Variants in RAB10 observed in about 807,000 individuals in gnomAD.
The protein encoded by RAB10 is RAB10, member RAS oncogene family.
RAB10 carries 5 observed loss-of-function variants against 25.7 expected under a neutral mutation model. That is an observed-to-expected ratio of 0.19 (90% CI 0.10 to 0.41). RAB10 has a LOEUF of 0.41. Among genes scored for constraint, RAB10 ranks in the 10% least tolerant of loss-of-function variants. The pLI is 1.00. For missense variants in RAB10, 103 were observed against 245.8 expected (o/e 0.42, Z 3.89); for synonymous variants, 89 against 86.4 (o/e 1.03, Z -0.16).
In RAB10 at chr2:26,098,510, A is replaced by T. The variant is rs1667276626; in HGVS notation, c.128-152A>T. ...TTGTATTACTCAGGTTTAAAATTGG[A>T]TACATTTGCTCAGTGTTGCATACTT... On this transcript the variant is annotated intron_variant, in intron 1 of 5. Coordinates refer to ENST00000264710, the MANE Select transcript of RAB10 (RefSeq NM_016131.5). The T allele has an allele frequency of 6.5e-6, 4 of 612,930 alleles. No homozygotes were observed. In the South Asian group the frequency reaches 7.5e-5, roughly 11 times the overall value. 38.0% of individuals were successfully genotyped at this position (612,930 alleles called of 1,614,324 possible).
chr2:26,122,136 A>G (rs1214868642), intron 3 of RAB10, among the ~76,000 whole-genome samples: 2 of 152,240 alleles, frequency 1.3e-5, no homozygotes, highest in African/African-American at 4.8e-5. Context: ...GTACTGTAGA[A>G]TGAGGTCTGC....
intron 3 of RAB10, among the ~76,000 whole-genome samples, chr2:26,114,008 A>G (rs1667632885): frequency 6.6e-6 from 1 of 152,208 alleles, no homozygotes; most frequent in South Asian, 2.1e-4. Flanking sequence ...AAAGGCAAAA[A>G]ATACTTAGGA....
upstream of RAB10, among the ~76,000 whole-genome samples, chr2:26,033,767 G>A (rs991491050): frequency 6.6e-6 from 1 of 152,086 alleles, no homozygotes; most frequent in Non-Finnish European, 1.5e-5. Flanking sequence ...AGGGTGTCCC[G>A]GGGAGCGGGG....
chr2:26,096,430 C>A (rs112314658), intron 1 of RAB10, among the ~76,000 whole-genome samples: 8,866 of 150,376 alleles, frequency 0.059, 844 homozygotes, highest in African/African-American at 0.2. Context: ...GGCTGGCTGG[C>A]TGGATGGATG....
chr2:26,118,614 C>A (rs1488257060), intron 3 of RAB10, among the ~76,000 whole-genome samples: 1 of 152,124 alleles, frequency 6.6e-6, no homozygotes, highest in African/African-American at 2.4e-5. Context: ...AGACAGTGAT[C>A]TCTAAATCTG....
rs181650378 is a variant in RAB10, at chr2:26,055,062, C to T, written c.127+20327C>T. ...ACAAACTAGAAAATTAAGTTATAAT[C>T]CCCTGTGTTTGCCATTTATTGAAAA... On this transcript the variant is annotated intron_variant, in intron 1 of 5. Transcript: ENST00000264710. Among the ~76,000 whole-genome samples, 184 of 151,340 alleles carry T rather than the reference C, an allele frequency of 1.2e-3. 1 individual carries two copies. Among genetic ancestry groups the T allele is most frequent in the African/African-American group, 4.3e-3 (177 of 41,174 alleles).
intron 1 of RAB10, among the ~76,000 whole-genome samples, chr2:26,043,267 C>A (rs1349904806): frequency 6.6e-6 from 1 of 152,038 alleles, no homozygotes; most frequent in Non-Finnish European, 1.5e-5. Flanking sequence ...AAGAAACCCC[C>A]CAAAATTAGC....
chr2:26,135,088 C>T lies in RAB10; in HGVS notation c.*67C>T. On this transcript the variant is annotated 3_prime_UTR_variant, in exon 6 of 6. Coordinates refer to ENST00000264710, the MANE Select transcript of RAB10 (RefSeq NM_016131.5). Reference sequence around the variant, plus strand: ...TCTCTTCTTGCTGCAAAATAAACCACTCTGTCCATTTTTAACTCTAAACAG... The same window carrying T: ...TCTCTTCTTGCTGCAAAATAAACCATTCTGTCCATTTTTAACTCTAAACAG... The T allele has an allele frequency of 7.7e-7, 1 of 1,301,230 alleles. No individual in the cohort carries two copies. The highest frequency in any genetic ancestry group is 1.1e-6 in the Non-Finnish European group (1 of 922,548). 80.6% of individuals were successfully genotyped at this position (1,301,230 alleles called of 1,614,324 possible). A position where few individuals can be genotyped will look rare whatever the true frequency, so the allele number is the denominator to read the frequency against.
intron 1 of RAB10, among the ~76,000 whole-genome samples, chr2:26,086,538 A>G (rs1666991780): frequency 1.3e-5 from 2 of 152,228 alleles, no homozygotes; most frequent in Admixed American, 1.3e-4. Context: ...CACCATGGCA[A>G]TTCCTTAAAA....
At chr2:26,084,953 G>A (rs1216780963) in intron 1 of RAB10, among the ~76,000 whole-genome samples, 1 of 152,076 alleles carries the variant, frequency 6.6e-6, no homozygotes, top group Non-Finnish European at 1.5e-5. Flanking sequence ...TGTGTATATT[G>A]CATTGTACTA....
intron 1 of RAB10, among the ~76,000 whole-genome samples, chr2:26,044,895 T>G (rs1227784124): frequency 6.6e-6 from 1 of 152,068 alleles, no homozygotes; most frequent in Non-Finnish European, 1.5e-5. Flanking sequence ...ACCACATTGC[T>G]CATTCTGAGA....
In RAB10 at chr2:26,034,522, G is replaced by C. The variant is rs1272623480; in HGVS notation, c.-87G>C. ...CCACGCTTCCCCGGTCCTCCGGCCT[G>C]AGAACGCCCGAGTGAGGAGTTGGCC... On this transcript the variant is annotated 5_prime_UTR_variant, in exon 1 of 6. Transcript: ENST00000264710. The C allele has an allele frequency of 1.9e-6, 3 of 1,568,516 alleles. No homozygotes were observed. Among genetic ancestry groups the C allele is most frequent in the African/African-American group, 2.7e-5 (2 of 73,678 alleles).
chr2:26,099,766 T>C (rs1667305772), intron 2 of RAB10, among the ~76,000 whole-genome samples: 1 of 152,028 alleles, frequency 6.6e-6, no homozygotes, highest in Non-Finnish European at 1.5e-5. Context: ...ATGGTCTCGA[T>C]CTCCTGACCT....
intron 3 of RAB10, among the ~76,000 whole-genome samples, chr2:26,125,111 G>A (rs192479875): frequency 2.3e-4 from 35 of 152,154 alleles, no homozygotes; most frequent in African/African-American, 8.2e-4. Context: ...ATTCTTCTGC[G>A]TGTATACCCA....
rs77281607 is a variant in RAB10 at position 26,121,264 on chromosome 2, A to G, written c.328-5880A>G. Among the ~76,000 whole-genome samples the G allele has an allele frequency of 2.1e-3, 325 of 152,236 alleles. 1 individual carries two copies. Among genetic ancestry groups the G allele is most frequent in the African/African-American group, 7.3e-3 (303 of 41,562 alleles). On this transcript the variant is annotated intron_variant, in intron 3 of 5. Transcript: ENST00000264710. ...CTACTAAGGGTATCGTCCTTGCAAC[A>G]AAAGAGTTGTTTCCTCCCTAATCCC...
At chr2:26,121,859 T>G (rs1667808565) in intron 3 of RAB10, among the ~76,000 whole-genome samples, 1 of 152,218 alleles carries the variant, frequency 6.6e-6, no homozygotes, top group African/African-American at 2.4e-5. Context: ...GCTATTTTGG[T>G]GAGCTCGTAT....
At chr2:26,037,727 A>G (rs1432888009) in intron 1 of RAB10, among the ~76,000 whole-genome samples, 1 of 152,108 alleles carries the variant, frequency 6.6e-6, no homozygotes, top group Non-Finnish European at 1.5e-5. Flanking sequence ...AGCACTTCAC[A>G]TGGTGCCAGG....
At chr2:26,107,201 G>A (rs910817831) in intron 2 of RAB10, among the ~76,000 whole-genome samples, 3 of 139,054 alleles carry the variant, frequency 2.2e-5, no homozygotes, top group East Asian at 4.4e-4. Context: ...AGCCAAGATC[G>A]TGCCACTACA....
intron 1 of RAB10, among the ~76,000 whole-genome samples, chr2:26,095,720 T>C (rs1368156587): frequency 6.6e-6 from 1 of 151,948 alleles, no homozygotes; most frequent in Non-Finnish European, 1.5e-5. Context: ...AGCACCAGCC[T>C]GGGCAACATA....
Sources: allele counts gnomAD v4.1 joint callset (sites outside exome capture counted in the v4.1 genomes callset), GRCh38; gene constraint gnomAD v4.1.1; transcripts MANE v1.5; gene names NCBI Gene and HGNC (gene_info 2026-07-23, HGNC 2026-07-21).